ROBO2: variants seen among roughly 807,000 people sequenced by gnomAD.
ROBO2 encodes the protein roundabout guidance receptor 2, also known as roundabout homolog 2.
ROBO2 carries 53 observed loss-of-function variants against 160.8 expected under a neutral mutation model. The observed-to-expected ratio is 0.33, with a 90% confidence interval of 0.26 to 0.41. The LOEUF (loss-of-function observed/expected upper bound fraction) is 0.41, where lower values mean the gene tolerates loss of function less well. Ranked by LOEUF, ROBO2 falls within the 10% of genes least tolerant of loss-of-function variation. The pLI is 1.00. For synonymous variants in ROBO2, 664 were observed against 611.7 expected, an observed-to-expected ratio of 1.09 and a Z score of -1.26; for missense variants, 1,577 against 1,722.4, an observed-to-expected ratio of 0.92 and a Z score of 1.49.
chr3:76,074,484 A>ACCC (rs2068578015), intron 2 of ROBO2, among the ~76,000 whole-genome samples: 1 of 152,206 alleles, frequency 6.6e-6, no homozygotes, highest in African/African-American at 2.4e-5. Flanking sequence ...ATCAGATTAG[A>ACCC]ATTTCTTCCC....
intron 2 of ROBO2, among the ~76,000 whole-genome samples, chr3:76,078,326 C>T (rs550553286): frequency 4.5e-4 from 68 of 152,130 alleles, no homozygotes; most frequent in African/African-American, 1.5e-3. Flanking sequence ...CAACTCAGTC[C>T]TAGTGTTGGA....
At chr3:77,606,076 T>C (rs2094521020) in intron 20 of ROBO2, among the ~76,000 whole-genome samples, 1 of 152,160 alleles carries the variant, frequency 6.6e-6, no homozygotes, top group African/African-American at 2.4e-5. Context: ...AGACAAACAT[T>C]ACAGATGTAT....
At chr3:77,073,406 A>G (rs542488387) in intron 1 of ROBO2, among the ~76,000 whole-genome samples, 17 of 152,314 alleles carry the variant, frequency 1.1e-4, no homozygotes, top group Admixed American at 9.2e-4. Context: ...AATAGTCTCC[A>G]TAATTGTTTA....
intron 1 of ROBO2, among the ~76,000 whole-genome samples, chr3:77,074,039 C>T (rs530893831): frequency 1.6e-4 from 24 of 152,270 alleles, no homozygotes; most frequent in African/African-American, 5.8e-4. Context: ...TGTTTTACAT[C>T]ACCAGGGAAC....
chr3:77,302,971 T>C (rs2153414405), intron 2 of ROBO2, among the ~76,000 whole-genome samples: 1 of 152,326 alleles, frequency 6.6e-6, no homozygotes, highest in Middle Eastern at 3.4e-3. Context: ...ACTGCTCAGA[T>C]GTTTTATCAG....
At chr3:76,188,278 C>T (rs1326010365) in intron 2 of ROBO2, among the ~76,000 whole-genome samples, 2 of 151,902 alleles carry the variant, frequency 1.3e-5, no homozygotes, top group Admixed American at 1.3e-4. Context: ...AGTGTGGGCC[C>T]TAATCCAATA....
intron 2 of ROBO2, among the ~76,000 whole-genome samples, chr3:76,172,377 A>G (rs2073075076): frequency 6.6e-6 from 1 of 151,382 alleles, no homozygotes; most frequent in South Asian, 2.1e-4. Flanking sequence ...ACACATGTAT[A>G]CATATGTAAC....
chr3:77,318,216 T>C, intron 2 of ROBO2, among the ~76,000 whole-genome samples: 1 of 151,856 alleles, frequency 6.6e-6, no homozygotes, highest in Non-Finnish European at 1.5e-5. Context: ...GTATTTTTAG[T>C]AGAGATGGGG....
chr3:76,692,137 A>T (rs1347250105), intron 2 of ROBO2, among the ~76,000 whole-genome samples: 1 of 152,122 alleles, frequency 6.6e-6, no homozygotes, highest in Non-Finnish European at 1.5e-5. Flanking sequence ...GCACTCACCA[A>T]AAATAACAAG....
rs183136952 is a variant in ROBO2, at chr3:75,921,095, C to A, written c.-14+14135C>A. On this transcript the variant is annotated intron_variant, in intron 1 of 26. Transcript: ENST00000487694. ...ATCATGATGCTAGCTGGTTATTTTG[C>A]ACATTAGTTGAAGCAGTTTCTTCCT... 3.8e-4 allele frequency among the ~76,000 whole-genome samples: 58 copies of A among 152,156 alleles called. No homozygotes were observed. In the East Asian group the frequency reaches 0.01, roughly 27 times the overall value.
chr3:76,242,420 T>A (rs973587167), intron 2 of ROBO2, among the ~76,000 whole-genome samples: 3 of 152,188 alleles, frequency 2.0e-5, no homozygotes, highest in African/African-American at 7.2e-5. Flanking sequence ...AGTAGGACTA[T>A]TGTTGTGATA....
chr3:76,128,761 G>C (rs753591166), intron 2 of ROBO2, among the ~76,000 whole-genome samples: 4 of 151,972 alleles, frequency 2.6e-5, no homozygotes, highest in Non-Finnish European at 5.9e-5. Context: ...ATAAACTGCT[G>C]CTTTTTTCTT....
At chr3:76,190,378 C>T (rs1235188824) in intron 2 of ROBO2, among the ~76,000 whole-genome samples, 2 of 152,054 alleles carry the variant, frequency 1.3e-5, no homozygotes, top group Non-Finnish European at 2.9e-5. Flanking sequence ...ATGCCTTCCA[C>T]AGTTGGTAGC....
At chr3:76,269,794 T>C (rs1405087514) in intron 2 of ROBO2, among the ~76,000 whole-genome samples, 1 of 152,012 alleles carries the variant, frequency 6.6e-6, no homozygotes, top group Non-Finnish European at 1.5e-5. Context: ...ATGCAAAATA[T>C]AAAAATCAAT....
chr3:76,751,751 C>T (rs971900351), intron 2 of ROBO2, among the ~76,000 whole-genome samples: 2 of 152,140 alleles, frequency 1.3e-5, no homozygotes, highest in Non-Finnish European at 1.5e-5. Context: ...GATACCATCT[C>T]ACACCAGTTA....
intron 2 of ROBO2, among the ~76,000 whole-genome samples, chr3:76,713,485 A>G (rs1251227064): frequency 6.6e-6 from 1 of 152,076 alleles, no homozygotes; most frequent in African/African-American, 2.4e-5. Flanking sequence ...AATATTTCCG[A>G]GGAACTGTAT....
At chr3:76,347,516 A>G (rs972534444) in intron 2 of ROBO2, among the ~76,000 whole-genome samples, 13 of 152,060 alleles carry the variant, frequency 8.5e-5, no homozygotes, top group African/African-American at 2.9e-4. Flanking sequence ...AATTCAGAGG[A>G]GATGAATTAT....
chr3:75,973,639 A>C (rs1384172828), intron 2 of ROBO2, among the ~76,000 whole-genome samples: 3 of 151,680 alleles, frequency 2.0e-5, no homozygotes, highest in Non-Finnish European at 4.4e-5. Context: ...GGAATAATGG[A>C]AATTTTGAAA....
chr3:77,588,743 T>C lies in ROBO2; in HGVS notation c.2501-8T>C, dbSNP rs2153683571. 6.2e-7 allele frequency: 1 copy of C among 1,612,152 alleles called. No individual in the cohort carries two copies. Among genetic ancestry groups the C allele is most frequent in the Admixed American group, 1.7e-5 (1 of 59,898 alleles). ...TAATATATACTAATACTATGGTTTT[T>C]TCCATAGGGAGACGCAATGAAGTTG... On this transcript the variant is annotated splice_polypyrimidine_tract_variant and splice_region_variant and intron_variant, in intron 16 of 25. Transcript: ENST00000461745.
Sources: allele counts gnomAD v4.1 joint callset (sites outside exome capture counted in the v4.1 genomes callset), GRCh38; gene constraint gnomAD v4.1.1; transcripts MANE v1.5; gene names NCBI Gene and HGNC (gene_info 2026-07-23, HGNC 2026-07-21).